The following CCT4 variants were observed in gnomAD, a reference collection of about 807,000 sequenced individuals.
CCT4 encodes T-complex protein 1 subunit delta.
In CCT4, 17 loss-of-function variants were observed where a neutral mutation model predicts 62.5. The observed-to-expected ratio is 0.27, with a 90% CI of 0.19 to 0.41. The LOEUF (loss-of-function observed/expected upper bound fraction) is 0.41. Among genes scored for constraint, CCT4 ranks in the 10% least tolerant of loss-of-function variants. The probability of loss-of-function intolerance (pLI) is 1.00; values close to 1 mark genes in which losing one functional copy is unlikely to be tolerated. For missense variants in CCT4, 592 were observed against 659.2 expected, an observed-to-expected ratio of 0.90 and a Z score of 1.12; for synonymous variants, 250 against 229.9, an observed-to-expected ratio of 1.09 and a Z score of -0.79.
At chr2:61,878,827 C>A (rs768850033) in intron 5 of CCT4, 42 bp downstream of exon 5, 3 of 1,484,142 alleles carry the variant, frequency 2.0e-6, no homozygotes, top group Non-Finnish European at 2.8e-6. Flanking sequence ...GAGTAACACA[C>A]TTTTAACTAA....
chr2:61,872,659 G>A (rs1449032404), intron 10 of CCT4, 71 bp from the exon 11 acceptor site: 12 of 1,528,300 alleles, frequency 7.9e-6, no homozygotes, highest in East Asian at 6.8e-5. Flanking sequence ...CGGGCACGGC[G>A]GCTCACGCCT....
intron 8 of CCT4, 28 bp downstream of exon 8, chr2:61,876,067 G>A (rs1668993897): frequency 1.3e-6 from 2 of 1,487,626 alleles, no homozygotes; most frequent in East Asian, 2.3e-5. Context: ...TTATCATTAA[G>A]GGATGAACAA....
At chr2:61,882,511 G>A (rs563206806) in intron 3 of CCT4, among the ~76,000 whole-genome samples, 1 of 151,694 alleles carries the variant, frequency 6.6e-6, no homozygotes, top group Non-Finnish European at 1.5e-5. Context: ...AAGGTGACTT[G>A]TGTTTCTTTC....
At position 61,888,547 on chromosome 2, in the gene CCT4, G is replaced by C; in HGVS notation, c.-40C>G. The C allele has an allele frequency of 6.3e-7, 1 of 1,594,440 alleles. No individual in the cohort carries two copies. The highest frequency in any genetic ancestry group is 8.5e-7 in the Non-Finnish European group (1 of 1,170,296). Reference sequence around the variant, plus strand: ...TGTCTGGGTTGGCTCGGGAAGGACGGATGGACCCGGATTCTGGCCGGCCGC... The same window carrying C: ...TGTCTGGGTTGGCTCGGGAAGGACGCATGGACCCGGATTCTGGCCGGCCGC... On this transcript the variant is annotated 5_prime_UTR_variant, in exon 1 of 14. The change creates a new upstream start codon in the 5' untranslated region. Coordinates refer to ENST00000394440, the MANE Select transcript of CCT4 (RefSeq NM_006430.4).
Position 61,883,444 on chromosome 2 carries a change from T to C in CCT4, c.270+15A>G, listed in dbSNP as rs746905687. 5.8e-6 allele frequency: 6 copies of C among 1,033,716 alleles called. No individual in the cohort carries two copies. In the African/African-American group the frequency reaches 8.1e-5, roughly 14 times the overall value. 64.0% of individuals were successfully genotyped at this position (1,033,716 alleles called of 1,614,324 possible). A position where few individuals can be genotyped will look rare whatever the true frequency, so the allele number is the denominator to read the frequency against. ...AAAAAAAAAAAAAAAAAGACTCACC[T>C]AAAATTACACTTACCATTCTGGCTG... On this transcript the variant is annotated intron_variant, in intron 3 of 13. Transcript: ENST00000394440.
At position 61,876,182 on chromosome 2, in the gene CCT4, C is replaced by G; in HGVS notation, c.830G>C (p.Arg277Pro). 1 of 1,610,152 alleles carries G rather than the reference C, an allele frequency of 6.2e-7. No individual in the cohort carries two copies. The change falls in exon 8 of 14, where the codon CGA (arginine) becomes CCA (proline). Residue 277 changes from arginine (R) to proline (P), a missense_variant. By Grantham distance (103) the Arg-to-Pro change is moderately radical. This residue lies in a region of CCT4 where 522 missense variants were observed against 571.2 expected (regional missense o/e 0.91). Coordinates refer to ENST00000394440, the MANE Select transcript of CCT4 (RefSeq NM_006430.4). ...ATTTAAAATATAGGCTCTCTCTTCT[C>G]GCAGCACTCGGTCCATCTGGGCATA... is the stretch of plus-strand genomic sequence containing the variant. ...SDYAQMDRVL[R>P]EERAYILNLV...
intron 1 of CCT4, among the ~76,000 whole-genome samples, chr2:61,886,739 T>C (rs1310854913): frequency 6.6e-6 from 1 of 152,140 alleles, no homozygotes; most frequent in Non-Finnish European, 1.5e-5. Context: ...AACCATATTA[T>C]AAACTCTCTT....
rs745685477 is a variant in CCT4 at position 61,888,528 on chromosome 2, G to A, written c.-21C>T. 1 of 1,606,638 alleles carries A rather than the reference G, an allele frequency of 6.2e-7. No homozygotes were observed. The highest frequency in any genetic ancestry group is 1.1e-5 in the South Asian group (1 of 90,670). On this transcript the variant is annotated 5_prime_UTR_variant, in exon 1 of 14. Coordinates refer to ENST00000394440, the MANE Select transcript of CCT4 (RefSeq NM_006430.4). Reference sequence around the variant, plus strand: ...GGCATGGCAAACTCCGCTGTGTCTGGGTTGGCTCGGGAAGGACGGATGGAC... The same window carrying A: ...GGCATGGCAAACTCCGCTGTGTCTGAGTTGGCTCGGGAAGGACGGATGGAC...
intron 12 of CCT4, among the ~76,000 whole-genome samples, chr2:61,870,139 T>G (rs948657119): frequency 6.6e-6 from 1 of 151,586 alleles, no homozygotes; most frequent in African/African-American, 2.4e-5. Flanking sequence ...TAGCCAGGCG[T>G]GGTGGCATGC....
chr2:61,884,627 TTTTA>T (rs532804195), intron 2 of CCT4, among the ~76,000 whole-genome samples: 36 of 147,530 alleles, frequency 2.4e-4, no homozygotes, highest in African/African-American at 8.3e-4. Context: ...ACTATTTTTA[TTTTA>T]TTTATTTTTT....
At chr2:61,869,017 C>A (rs749914998) in intron 13 of CCT4, among the ~76,000 whole-genome samples, 1 of 151,938 alleles carries the variant, frequency 6.6e-6, no homozygotes, top group African/African-American at 2.4e-5. Flanking sequence ...TGCCTGTAAT[C>A]CCAGCTACTT....
chr2:61,880,243 T>C, intron 4 of CCT4, 43 bp downstream of exon 4: 1 of 1,111,652 alleles, frequency 9.0e-7, no homozygotes, highest in Non-Finnish European at 1.3e-6. Flanking sequence ...AAGTTTGTTT[T>C]TTAAACTTTT....
At chr2:61,874,170 A>C (rs1301048298) in intron 8 of CCT4, among the ~76,000 whole-genome samples, 1 of 152,218 alleles carries the variant, frequency 6.6e-6, no homozygotes, top group African/African-American at 2.4e-5. Flanking sequence ...TTATACGGAT[A>C]AGCAAACTGA....
At chr2:61,871,001 A>G (rs2105124883) in intron 12 of CCT4, among the ~76,000 whole-genome samples, 1 of 151,908 alleles carries the variant, frequency 6.6e-6, no homozygotes, top group East Asian at 1.9e-4. Context: ...GGCTGGCTCA[A>G]TAATCAGGGG....
At chr2:61,884,360 G>A (rs1173993638) in intron 2 of CCT4, among the ~76,000 whole-genome samples, 1 of 151,910 alleles carries the variant, frequency 6.6e-6, no homozygotes, top group African/African-American at 2.4e-5. Flanking sequence ...CTGGAGTGCA[G>A]CTGCGCGATC....
intron 6 of CCT4, 130 bp from the exon 7 acceptor site, chr2:61,877,182 T>TC: frequency 2.1e-6 from 2 of 937,676 alleles, no homozygotes; most frequent in South Asian, 1.7e-5. Context: ...ATTGCCCCAC[T>TC]CCTGGATCTC....
chr2:61,886,767 T>C (rs1250340825), intron 1 of CCT4, among the ~76,000 whole-genome samples: 2 of 147,480 alleles, frequency 1.4e-5, no homozygotes, highest in African/African-American at 2.5e-5. Flanking sequence ...AAATTTATCT[T>C]TTTTTTTTTT....
chr2:61,885,704 G>A (rs10167456), intron 1 of CCT4: 34,239 of 151,924 alleles, frequency 0.23, 3,994 homozygotes, highest in Non-Finnish European at 0.25. Flanking sequence ...GAGCCACCAC[G>A]CCTGGCCTAG....
intron 1 of CCT4, among the ~76,000 whole-genome samples, chr2:61,885,523 G>A (rs1004103149): frequency 2.0e-5 from 3 of 151,960 alleles, no homozygotes; most frequent in Admixed American, 2.0e-4. Context: ...TGATTCTTCC[G>A]CCTCAGCCTC....
Sources: gnomAD v4.1 joint callset for allele counts (sites outside exome capture counted in the v4.1 genomes callset) on GRCh38, gnomAD v4.1.1 for gene constraint, gnomAD v4.1.1 regional missense constraint, MANE v1.5 for transcripts, NCBI Gene and HGNC (gene_info 2026-07-23, HGNC 2026-07-21) for gene names.